Variants in C1orf87 observed in about 807,000 individuals in gnomAD.
C1orf87 encodes the protein chromosome 1 open reading frame 87.
Under a neutral mutation model 60.5 loss-of-function variants are expected in C1orf87, and 58 were observed. That is an observed-to-expected ratio of 0.96 (90% CI 0.78 to 1.19). C1orf87 has a LOEUF of 1.19. C1orf87 is among the 50% of genes most tolerant of loss of function. C1orf87 has a pLI of 0.00. For missense variants in C1orf87, 673 were observed against 638.6 expected (o/e 1.05, Z -0.58); for synonymous variants, 236 against 227.4 (o/e 1.04, Z -0.34).
intron 10 of C1orf87, among the ~76,000 whole-genome samples, chr1:60,000,398 A>G (rs1381133567): frequency 2.6e-5 from 4 of 152,152 alleles, no homozygotes; most frequent in Non-Finnish European, 4.4e-5. Flanking sequence ...TGTTTCTTGC[A>G]TGGCAAGAGG....
At chr1:60,069,958 G>A (rs919368334) in intron 2 of C1orf87, among the ~76,000 whole-genome samples, 8 of 152,220 alleles carry the variant, frequency 5.3e-5, no homozygotes, top group African/African-American at 1.9e-4. Flanking sequence ...GATGCAGGGA[G>A]AAAGCCATGT....
chr1:60,044,282 G>A (rs1217929376), intron 3 of C1orf87, among the ~76,000 whole-genome samples: 1 of 151,990 alleles, frequency 6.6e-6, no homozygotes, highest in Non-Finnish European at 1.5e-5. Context: ...TGCCCGCCTC[G>A]GCCTCCCAAA....
Position 59,990,714 on chromosome 1 carries a change from T to G in C1orf87, c.1600A>C (p.Met534Leu). Residue 534 changes from methionine to leucine, a missense_variant, in exon 12 of 12, where the codon ATG becomes CTG. By Grantham distance (15) the Met-to-Leu change is conservative. Transcript: ENST00000371201. ...TACCGCAGTGCTGGCTCCAAGAGCA[T>G]ATTTTCTCCCGAACGGAATCTGCGC... is the stretch of plus-strand genomic sequence containing the variant. Reference protein sequence around the residue: ...ALRRFRSGENMLLEPALRYLK... With the variant: ...ALRRFRSGENLLLEPALRYLK... 1.2e-6 allele frequency: 2 copies of G among 1,614,076 alleles called. No individual in the cohort carries two copies. Among genetic ancestry groups the G allele is most frequent in the Non-Finnish European group, 8.5e-7 (1 of 1,179,950 alleles).
chr1:59,996,482 T>C (rs1644964502), intron 11 of C1orf87, among the ~76,000 whole-genome samples: 2 of 152,216 alleles, frequency 1.3e-5, no homozygotes, highest in South Asian at 4.1e-4. Context: ...GTGCTCTCAT[T>C]ATCTTTGAAT....
chr1:60,016,952 C>G (rs1645128386), intron 8 of C1orf87, among the ~76,000 whole-genome samples: 1 of 152,206 alleles, frequency 6.6e-6, no homozygotes, highest in African/African-American at 2.4e-5. Context: ...ATCTTATAAA[C>G]TGAATTTCAT....
chr1:60,046,696 C>G (rs1288906020), intron 3 of C1orf87, among the ~76,000 whole-genome samples: 2 of 152,094 alleles, frequency 1.3e-5, no homozygotes, highest in Non-Finnish European at 2.9e-5. Context: ...CCTTGACCCC[C>G]TCAAAGTGTT....
intron 2 of C1orf87, among the ~76,000 whole-genome samples, chr1:60,057,396 AG>A (rs1445345349): frequency 2.0e-5 from 3 of 152,208 alleles, no homozygotes. Context: ...TTTGGCTGCA[AG>A]AAGGGAGAAA....
At position 60,020,266 on chromosome 1, in the gene C1orf87, T is replaced by C. The variant is rs549999240; in HGVS notation, c.1127+5135A>G. Reference sequence around the variant, plus strand: ...TCCAGCTGTGGCTAAAACAGGACTCTGTGCCTGTACAGAGGCCGCACTAGG... The same window carrying C: ...TCCAGCTGTGGCTAAAACAGGACTCCGTGCCTGTACAGAGGCCGCACTAGG... On this transcript the variant is annotated intron_variant, in intron 8 of 11. Coordinates refer to ENST00000371201, the MANE Select transcript of C1orf87 (RefSeq NM_152377.3). Among the ~76,000 whole-genome samples, 4 of 152,278 alleles carry C rather than the reference T, an allele frequency of 2.6e-5. No homozygotes were observed. The South Asian group carries it at 8.3e-4, about 32-fold the overall frequency.
intron 2 of C1orf87, among the ~76,000 whole-genome samples, chr1:60,058,042 G>A (rs1259308472): frequency 2.0e-5 from 3 of 152,132 alleles, no homozygotes. Flanking sequence ...AGTATGAGAA[G>A]GAGAGTGTAT....
chr1:59,990,569 A>G lies in C1orf87; in HGVS notation c.*104T>C. On this transcript the variant is annotated 3_prime_UTR_variant, in exon 12 of 12. Coordinates refer to ENST00000371201, the MANE Select transcript of C1orf87 (RefSeq NM_152377.3). ...ATCTACAATAGCTGCATCGGCCTCC[A>G]CTCTGACAATGCCTCCGCCACTACA... is the stretch of plus-strand genomic sequence containing the variant. The G allele has an allele frequency of 7.3e-7, 1 of 1,372,230 alleles. No homozygotes were observed. Among genetic ancestry groups the G allele is most frequent in the South Asian group, 1.3e-5 (1 of 74,440 alleles). 85.0% of individuals were successfully genotyped at this position (1,372,230 alleles called of 1,614,324 possible).
At chr1:60,064,275 A>G (rs911446455) in intron 2 of C1orf87, among the ~76,000 whole-genome samples, 2 of 108,148 alleles carry the variant, frequency 1.8e-5, no homozygotes, top group African/African-American at 6.8e-5. Context: ...TATATCATAT[A>G]TAAATTATAT....
chr1:60,001,887 G>A (rs553580792), intron 9 of C1orf87, among the ~76,000 whole-genome samples: 1 of 152,202 alleles, frequency 6.6e-6, no homozygotes, highest in East Asian at 1.9e-4. Context: ...GCAGGCTGCT[G>A]CCTTCATGAA....
chr1:60,013,986 C>T (rs1268110692), intron 8 of C1orf87, among the ~76,000 whole-genome samples: 2 of 152,100 alleles, frequency 1.3e-5, no homozygotes, highest in Non-Finnish European at 1.5e-5. Context: ...TCTTCCTCTC[C>T]GTACTAACCT....
chr1:60,018,556 G>A (rs1266207272), intron 8 of C1orf87, among the ~76,000 whole-genome samples: 76 of 152,110 alleles, frequency 5.0e-4, no homozygotes, highest in South Asian at 6.2e-4. Flanking sequence ...TCTCTACTAC[G>A]TACAGGTATA....
chr1:60,000,357 CTT>C (rs1327817632), intron 10 of C1orf87, among the ~76,000 whole-genome samples: 1 of 152,110 alleles, frequency 6.6e-6, no homozygotes, highest in African/African-American at 2.4e-5. Context: ...TCACAACAGA[CTT>C]AACACTCAAG....
At chr1:60,001,054 C>T in intron 10 of C1orf87, 23 bp downstream of exon 10, 2 of 1,591,054 alleles carry the variant, frequency 1.3e-6, no homozygotes, top group Non-Finnish European at 1.7e-6. Context: ...TTCCCCCAAA[C>T]TCTATATACC....
rs746978454 is a variant in C1orf87 at position 60,055,348 on chromosome 1, T to G, written c.198A>C (p.Pro66=). The change falls in exon 3 of 12, where the codon CCA becomes CCC. Residue 66 remains proline (P), a synonymous_variant. Transcript: ENST00000371201. ...DNARQMSRDT[P]VPINFTDQQT... The stretch of plus-strand genomic sequence containing the variant: ...GCTGATCAGTGAAGTTAATGGGAAC[T>G]GGGGTGTCTCTGCTCATCTGCCTTG... The G allele has an allele frequency of 1.2e-6, 2 of 1,614,162 alleles. No individual in the cohort carries two copies. The highest frequency in any genetic ancestry group is 8.5e-7 in the Non-Finnish European group (1 of 1,180,004).
chr1:60,030,259 C>A (rs895260768), intron 7 of C1orf87, among the ~76,000 whole-genome samples: 1 of 152,170 alleles, frequency 6.6e-6, no homozygotes. Context: ...AGAAAGGTGG[C>A]TGTTGCATTG....
At chr1:60,020,576 T>TC (rs1645156084) in intron 8 of C1orf87, among the ~76,000 whole-genome samples, 6 of 152,308 alleles carry the variant, frequency 3.9e-5, no homozygotes, top group African/African-American at 1.4e-4. Context: ...GGTTTTGGAC[T>TC]TGCATGGGGT....
Sources: gnomAD v4.1 joint callset for allele counts (sites outside exome capture counted in the v4.1 genomes callset) on GRCh38, gnomAD v4.1.1 for gene constraint, MANE v1.5 for transcripts, NCBI Gene and HGNC (gene_info 2026-07-23, HGNC 2026-07-21) for gene names.